BBLN: variants seen among roughly 807,000 people sequenced by gnomAD.
BBLN encodes the protein bublin coiled-coil protein.
BBLN carries 6 observed loss-of-function variants against 7.6 expected under a neutral mutation model. The observed-to-expected ratio is 0.79, with a 90% CI of 0.43 to 1.55. BBLN has a LOEUF of 1.55. Ranked by LOEUF, BBLN falls within the 40% of genes most tolerant of loss-of-function variation. The pLI is 0.01. For missense variants in BBLN, 100 were observed against 111.1 expected, an observed-to-expected ratio of 0.90 and a Z score of 0.45; for synonymous variants, 35 against 46.7, an observed-to-expected ratio of 0.75 and a Z score of 1.02.
At position 128,160,404 on chromosome 9, in the gene BBLN, C is replaced by A. The variant is rs556123193; in HGVS notation, c.-4C>A. ...GCGCGGCCCTTCGGGCGCCCGAGCC[C>A]GCAATGTCGGGCCCCAACGGAGACC... On this transcript the variant is annotated 5_prime_UTR_variant, in exon 1 of 2. Transcript: ENST00000372994. The A allele has an allele frequency of 3.2e-6, 4 of 1,255,812 alleles. No homozygotes were observed. In the African/African-American group the frequency reaches 6.2e-5, roughly 19 times the overall value. The allele number at this position is 1,255,812 out of a possible 1,614,324, so 77.8% of individuals were successfully genotyped here.
intron 1 of BBLN, 122 bp downstream of exon 1, chr9:128,160,608 G>A (rs903362794): frequency 1.9e-5 from 14 of 733,202 alleles, no homozygotes; most frequent in Non-Finnish European, 2.1e-5. Flanking sequence ...GAGCGGGTCC[G>A]GAGTTGTAGG....
rs1829280141 is a variant in BBLN at position 128,163,830 on chromosome 9, G to A, written c.*215G>A. 4 of 492,702 alleles carry A rather than the reference G, an allele frequency of 8.1e-6. No homozygotes were observed. Among genetic ancestry groups the A allele is most frequent in the Non-Finnish European group, 1.4e-5 (4 of 280,394 alleles). 30.5% of individuals were successfully genotyped at this position (492,702 alleles called of 1,614,324 possible). On this transcript the variant is annotated 3_prime_UTR_variant, in exon 2 of 2. Transcript: ENST00000372994. This position sits in a 1 kb window ranked among gnomAD's most constrained non-coding sequence, Gnocchi z 5.7. ...GCATGCCCTCCTGGGGCCAAGAGTG[G>A]GCCTGCAACCCACCCACTTGCCTGC...
At position 128,163,877 on chromosome 9, in the gene BBLN, C is replaced by G; in HGVS notation, c.*262C>G. 2.1e-6 allele frequency: 1 copy of G among 467,376 alleles called. No homozygotes were observed. The highest frequency in any genetic ancestry group is 3.8e-6 in the Non-Finnish European group (1 of 262,796). 29.0% of individuals were successfully genotyped at this position (467,376 alleles called of 1,614,324 possible). On this transcript the variant is annotated 3_prime_UTR_variant, in exon 2 of 2. Transcript: ENST00000372994. This position sits in a 1 kb window ranked among gnomAD's most constrained non-coding sequence, Gnocchi z 5.7. The stretch of plus-strand genomic sequence containing the variant: ...CTGCCCACCCAACTCCTGGGCGCTC[C>G]CCACTCTGCCCAGGCCTTGAGTGTC...
At chr9:128,161,087 C>CAAAAAAAAAAAAAAAAA (rs10524542) in intron 1 of BBLN, among the ~76,000 whole-genome samples, 2 of 125,930 alleles carry the variant, frequency 1.6e-5, no homozygotes, top group East Asian at 2.7e-4. Flanking sequence ...GAATTAAATG[C>CAAAAAAAAAAAAAAAAA]AAAAAAAAGG....
chr9:128,163,590 A>G lies in BBLN; in HGVS notation c.227A>G (p.Glu76Gly). The change falls in exon 2 of 2, where the codon GAG becomes GGG. Residue 76 changes from glutamate to glycine, a missense_variant. By Grantham distance (98) the Glu-to-Gly change is moderately conservative. Coordinates refer to ENST00000372994, the MANE Select transcript of BBLN (RefSeq NM_024112.4). This position sits in a 1 kb window ranked among gnomAD's most constrained non-coding sequence, Gnocchi z 5.7. ...TRLEFQQQLG[E>G]APSDASP ...CTGGAGTTCCAGCAGCAGCTCGGGG[A>G]GGCCCCCAGTGATGCCAGCCCCTAG... 6.4e-7 allele frequency: 1 copy of G among 1,570,918 alleles called. No homozygotes were observed.
chr9:128,160,421 A>T lies in BBLN; in HGVS notation c.14A>T (p.Asn5Ile). The change falls in exon 1 of 2, where the codon AAC becomes ATC. Residue 5 changes from asparagine to isoleucine, a missense_variant. Physicochemically the swap from Asn to Ile is moderately radical, Grantham distance 149. Coordinates refer to ENST00000372994, the MANE Select transcript of BBLN (RefSeq NM_024112.4). ...CCCGAGCCCGCAATGTCGGGCCCCAACGGAGACCTGGGGATGCCGGTGGAG... is the reference window on the plus strand; with the variant it reads ...CCCGAGCCCGCAATGTCGGGCCCCATCGGAGACCTGGGGATGCCGGTGGAG... MSGP[N>I]GDLGMPVEAG... 2 of 1,267,690 alleles carry T rather than the reference A, an allele frequency of 1.6e-6. No individual in the cohort carries two copies. Among genetic ancestry groups the T allele is most frequent in the African/African-American group, 3.1e-5 (2 of 64,560 alleles). 78.5% of individuals were successfully genotyped at this position (1,267,690 alleles called of 1,614,324 possible). A position where few individuals can be genotyped will look rare whatever the true frequency, so the allele number is the denominator to read the frequency against.
chr9:128,163,711 T>C lies in BBLN; in HGVS notation c.*96T>C, dbSNP rs1365247205. 1 of 1,118,784 alleles carries C rather than the reference T, an allele frequency of 8.9e-7. No individual in the cohort carries two copies. Among genetic ancestry groups the C allele is most frequent in the African/African-American group, 1.6e-5 (1 of 62,092 alleles). 69.3% of individuals were successfully genotyped at this position (1,118,784 alleles called of 1,614,324 possible). On this transcript the variant is annotated 3_prime_UTR_variant, in exon 2 of 2. Transcript: ENST00000372994. The surrounding 1 kb of genome is among the most constrained non-coding windows in gnomAD (Gnocchi z 5.7). Reference sequence around the variant, plus strand: ...CTGGCTTAGACACCTTCTCAAGGGCTGGCCTTCAGGGACCCCTGGTGGGTC... The same window carrying C: ...CTGGCTTAGACACCTTCTCAAGGGCCGGCCTTCAGGGACCCCTGGTGGGTC...
At position 128,163,410 on chromosome 9, in the gene BBLN, G is replaced by A. The variant is rs776940283; in HGVS notation, c.80-33G>A. 8.0e-6 allele frequency: 12 copies of A among 1,496,990 alleles called. No homozygotes were observed. The East Asian group carries it at 2.9e-4, about 37-fold the overall frequency. 92.7% of individuals were successfully genotyped at this position (1,496,990 alleles called of 1,614,324 possible). A position where few individuals can be genotyped will look rare whatever the true frequency, so the allele number is the denominator to read the frequency against. ...TGTCCATTAGCCCCAAGGAGACACA[G>A]GATCTGGGCTCTGTCTTTCGCCTTC... is the stretch of plus-strand genomic sequence containing the variant. On this transcript the variant is annotated intron_variant, in intron 1 of 1. Transcript: ENST00000372994. The surrounding 1 kb of genome is among the most constrained non-coding windows in gnomAD (Gnocchi z 5.7).
At chr9:128,160,538 CG>C in intron 1 of BBLN, 52 bp downstream of exon 1, 1 of 1,136,412 alleles carries the variant, frequency 8.8e-7, no homozygotes, top group Non-Finnish European at 1.2e-6. Flanking sequence ...GCTGCCCTCC[CG>C]GGAAGGGGAA....
Position 128,163,360 on chromosome 9 carries a change from A to T in BBLN, c.80-83A>T, listed in dbSNP as rs1829273857. 8 of 1,314,538 alleles carry T rather than the reference A, an allele frequency of 6.1e-6. No homozygotes were observed. The highest frequency in any genetic ancestry group is 5.2e-5 in the Admixed American group (2 of 38,498). The allele number at this position is 1,314,538 out of a possible 1,614,324, so 81.4% of individuals were successfully genotyped here. On this transcript the variant is annotated intron_variant, in intron 1 of 1. Transcript: ENST00000372994. The surrounding 1 kb of genome is among the most constrained non-coding windows in gnomAD (Gnocchi z 5.7). ...ACTTGCACAAAGCCCTTTGGGAAGC[A>T]GGCTGGGAAACAGTGGAGGGAGGGT...
At chr9:128,162,487 G>A (rs1829266488) in intron 1 of BBLN, 1 of 152,654 alleles carries the variant, frequency 6.6e-6, no homozygotes, top group Admixed American at 6.5e-5. Context: ...GTGGAGACCA[G>A]GGAAGGCTTC....
At position 128,160,379 on chromosome 9, in the gene BBLN, GC is replaced by G; in HGVS notation, c.-28del. On this transcript the variant is annotated 5_prime_UTR_variant, in exon 1 of 2. Transcript: ENST00000372994. Reference sequence around the variant, plus strand: ...GCGACGGTCGCCGCGTTCCATCGTCGCGCGGCCCTTCGGGCGCCCGAGCCCG... The same window carrying G: ...GCGACGGTCGCCGCGTTCCATCGTCGGCGGCCCTTCGGGCGCCCGAGCCCG... 3.5e-5 allele frequency: 43 copies of G among 1,232,092 alleles called. No homozygotes were observed. Among genetic ancestry groups the G allele is most frequent in the Non-Finnish European group, 4.4e-5 (43 of 977,854 alleles). The allele number at this position is 1,232,092 out of a possible 1,614,324, so 76.3% of individuals were successfully genotyped here.
In BBLN at chr9:128,163,684, C is replaced by T; in HGVS notation, c.*69C>T. The T allele has an allele frequency of 7.6e-7, 1 of 1,313,558 alleles. No homozygotes were observed. Among genetic ancestry groups the T allele is most frequent in the Non-Finnish European group, 1.0e-6 (1 of 993,114 alleles). 81.4% of individuals were successfully genotyped at this position (1,313,558 alleles called of 1,614,324 possible). A position where few individuals can be genotyped will look rare whatever the true frequency, so the allele number is the denominator to read the frequency against. On this transcript the variant is annotated 3_prime_UTR_variant, in exon 2 of 2. Coordinates refer to ENST00000372994, the MANE Select transcript of BBLN (RefSeq NM_024112.4). The surrounding 1 kb of genome is among the most constrained non-coding windows in gnomAD (Gnocchi z 5.7). ...CTAGGCTCTGGCCTGGGCACTCACCCCCTGGCTTAGACACCTTCTCAAGGG... is the reference window on the plus strand; with the variant it reads ...CTAGGCTCTGGCCTGGGCACTCACCTCCTGGCTTAGACACCTTCTCAAGGG...
chr9:128,163,507 G>T lies in BBLN; in HGVS notation c.144G>T (p.Lys48Asn), dbSNP rs1829275987. The change falls in exon 2 of 2, where the codon AAG (lysine) becomes AAT (asparagine). Residue 48 changes from lysine to asparagine, a missense_variant. Physicochemically the swap from Lys to Asn is moderately conservative, Grantham distance 94 (BLOSUM62 0). Coordinates refer to ENST00000372994, the MANE Select transcript of BBLN (RefSeq NM_024112.4). The surrounding 1 kb of genome is among the most constrained non-coding windows in gnomAD (Gnocchi z 5.7). ...CCTGTCTGGACCACCTGGAGGAGAAGAATGACCACCTCCACGCCCGCCTCC... is the reference window on the plus strand; with the variant it reads ...CCTGTCTGGACCACCTGGAGGAGAATAATGACCACCTCCACGCCCGCCTCC... ...INSCLDHLEEKNDHLHARLQE... is the reference protein window; with the variant it reads ...INSCLDHLEENNDHLHARLQE... 4 of 1,612,556 alleles carry T rather than the reference G, an allele frequency of 2.5e-6. No individual in the cohort carries two copies. The highest frequency in any genetic ancestry group is 3.4e-6 in the Non-Finnish European group (4 of 1,179,104).
intron 1 of BBLN, among the ~76,000 whole-genome samples, 180 bp downstream of exon 1, chr9:128,160,666 C>T (rs1214958591): frequency 3.3e-5 from 5 of 152,228 alleles, no homozygotes; most frequent in Non-Finnish European, 7.3e-5. Flanking sequence ...TTCCCAGCCC[C>T]GTGAGAGCTG....
At position 128,163,520 on chromosome 9, in the gene BBLN, C is replaced by T. The variant is rs1829276195; in HGVS notation, c.157C>T (p.His53Tyr). 1 of 1,612,428 alleles carries T rather than the reference C, an allele frequency of 6.2e-7. No homozygotes were observed. Among genetic ancestry groups the T allele is most frequent in the Admixed American group, 1.7e-5 (1 of 59,860 alleles). Residue 53 changes from histidine to tyrosine, a missense_variant, in exon 2 of 2, where the codon CAC (histidine) becomes TAC (tyrosine). Coordinates refer to ENST00000372994, the MANE Select transcript of BBLN (RefSeq NM_024112.4). The surrounding 1 kb of genome is among the most constrained non-coding windows in gnomAD (Gnocchi z 5.7). ...CCTGGAGGAGAAGAATGACCACCTCCACGCCCGCCTCCAGGAGCTGCTGGA... is the reference window on the plus strand; with the variant it reads ...CCTGGAGGAGAAGAATGACCACCTCTACGCCCGCCTCCAGGAGCTGCTGGA... ...DHLEEKNDHL[H>Y]ARLQELLESN... is the part of the protein sequence containing the mutation.
chr9:128,160,858 G>C lies in BBLN; in HGVS notation c.79+372G>C, dbSNP rs1290052078. ...GTGGAGTTGGGGACGCGGGGGCGTC[G>C]CTCTGCCGATTCAGCATCCCCAGCC... On this transcript the variant is annotated intron_variant, in intron 1 of 1. Transcript: ENST00000372994. 1.3e-5 allele frequency among the ~76,000 whole-genome samples: 2 copies of C among 152,190 alleles called. 1 individual carries two copies. The highest frequency in any genetic ancestry group is 2.9e-5 in the Non-Finnish European group (2 of 68,038).
rs999479395 is a variant in BBLN at position 128,160,399 on chromosome 9, G to A, written c.-9G>A. 32 of 1,252,922 alleles carry A rather than the reference G, an allele frequency of 2.6e-5. No individual in the cohort carries two copies. Among genetic ancestry groups the A allele is most frequent in the Admixed American group, 4.2e-5 (1 of 23,752 alleles). 77.6% of individuals were successfully genotyped at this position (1,252,922 alleles called of 1,614,324 possible). On this transcript the variant is annotated 5_prime_UTR_variant, in exon 1 of 2. Coordinates refer to ENST00000372994, the MANE Select transcript of BBLN (RefSeq NM_024112.4). The stretch of plus-strand genomic sequence containing the variant: ...TCGTCGCGCGGCCCTTCGGGCGCCC[G>A]AGCCCGCAATGTCGGGCCCCAACGG...
intron 1 of BBLN, 62 bp downstream of exon 1, chr9:128,160,548 A>T: frequency 9.4e-7 from 1 of 1,068,270 alleles, no homozygotes; most frequent in East Asian, 3.2e-5. Flanking sequence ...CGGGAAGGGG[A>T]ATCGAGATGG....
Sources: gnomAD v4.1 joint callset for allele counts (sites outside exome capture counted in the v4.1 genomes callset) on GRCh38, gnomAD v4.1.1 for gene constraint, Gnocchi (gnomAD v3.1) non-coding constraint, MANE v1.5 for transcripts, NCBI Gene and HGNC (gene_info 2026-07-23, HGNC 2026-07-21) for gene names.